Variants in ANO7 observed in about 807,000 individuals in gnomAD.
ANO7 encodes the protein anoctamin-7.
In ANO7, 114 loss-of-function variants were observed where a neutral mutation model predicts 115.8. The observed-to-expected ratio is 0.98, with a 90% CI of 0.85 to 1.15. The LOEUF (loss-of-function observed/expected upper bound fraction) is 1.15. Ranked by LOEUF, ANO7 falls within the 50% of genes most tolerant of loss-of-function variation. ANO7 has a pLI of 0.00. For synonymous variants in ANO7, 550 were observed against 498.2 expected (o/e 1.10, Z -1.38); for missense variants, 1,302 against 1,201.2 (o/e 1.08, Z -1.24).
Position 241,191,246 on chromosome 2 carries a change from G to A in ANO7, c.161G>A (p.Arg54Gln), listed in dbSNP as rs141913177. Residue 54 changes from arginine (R) to glutamine (Q), a missense_variant, in exon 3 of 25, where the codon CGG becomes CAG. Arg to Gln is a conservative substitution (Grantham distance 43). Coordinates refer to ENST00000674324, the MANE Select transcript of ANO7 (RefSeq NM_001370694.2). The stretch of plus-strand genomic sequence containing the variant: ...AGAGCTGGGAGTCCTGCCAAGCCCC[G>A]GATCGGTGAGCCCCTCCCAGCACCT... The part of the protein sequence containing the change: ...ACRAGSPAKP[R>Q]IADFVLVWEE... 58 of 1,613,668 alleles carry A rather than the reference G, an allele frequency of 3.6e-5. No homozygotes were observed. The highest frequency in any genetic ancestry group is 1.7e-4 in the African/African-American group (13 of 74,936).
At chr2:241,201,626 A>G (rs1200430629) in intron 7 of ANO7, among the ~76,000 whole-genome samples, 1 of 152,262 alleles carries the variant, frequency 6.6e-6, no homozygotes, top group Non-Finnish European at 1.5e-5. Context: ...CATGTGGGAC[A>G]GCCGAGACTA....
intron 3 of ANO7, among the ~76,000 whole-genome samples, chr2:241,194,393 C>A (rs1239311141): frequency 1.3e-5 from 2 of 150,586 alleles, no homozygotes; most frequent in African/African-American, 2.4e-5. Context: ...CAGCTCACTG[C>A]AAGCTCCGTC....
the ANO7 span, chr2:241,236,311 A>T: frequency 5.1e-6 from 2 of 393,668 alleles, no homozygotes; most frequent in Non-Finnish European, 4.6e-6. Flanking sequence ...GGTCACATTC[A>T]TCCCCCTGCA....
At chr2:241,202,535 A>C (rs1015240124) in intron 8 of ANO7, among the ~76,000 whole-genome samples, 2 of 152,244 alleles carry the variant, frequency 1.3e-5, no homozygotes, top group African/African-American at 4.8e-5. Context: ...GCGGTGCCCA[A>C]CACGGGAACA....
At chr2:241,226,734 G>A (rs572551881), downstream of ANO7, among the ~76,000 whole-genome samples, 12 of 152,272 alleles carry the variant, frequency 7.9e-5, no homozygotes, top group Admixed American at 4.6e-4. Context: ...AACATGTTTG[G>A]CTTTAAGAGG....
rs545919824 is a variant in ANO7 at position 241,201,826 on chromosome 2, C to T, written c.613-368C>T. On this transcript the variant is annotated intron_variant, in intron 7 of 24. Transcript: ENST00000674324. ...GGCTGCCCAGGTAGGGGGCAGGGCA[C>T]ACCCTGGACACAGCTGCCAGGCTGC... is the stretch of plus-strand genomic sequence containing the variant. Among the ~76,000 whole-genome samples the T allele has an allele frequency of 1.5e-3, 123 of 79,908 alleles. 1 individual carries two copies. The highest frequency in any genetic ancestry group is 6.0e-3 in the African/African-American group (116 of 19,488). The allele number at this position is 79,908 out of a possible 152,430, so 52.4% of individuals were successfully genotyped here.
rs145166809 is a variant in ANO7 at position 241,199,364 on chromosome 2, G to A, written c.358G>A (p.Ala120Thr). Residue 120 changes from alanine to threonine, a missense_variant, in exon 5 of 25, where the codon GCC becomes ACC. Coordinates refer to ENST00000674324, the MANE Select transcript of ANO7 (RefSeq NM_001370694.2). ...NTTVHYALLS[A>T]SWAVLCYYAE... ...CACAGTGCACTACGCCCTCCTCAGC[G>A]CCTCCTGGGCTGTGCTCTGCTACTA... 556 of 1,613,828 alleles carry A rather than the reference G, an allele frequency of 3.4e-4. 6 individuals are homozygous for A. The Middle Eastern group carries it at 6.6e-3, about 19-fold the overall frequency.
chr2:241,212,494 T>C (rs1203516615), intron 16 of ANO7, 78 bp from the exon 17 acceptor site: 118 of 1,465,066 alleles, frequency 8.1e-5, no homozygotes, highest in Non-Finnish European at 1.1e-4. Context: ...GCAGCTCTGC[T>C]GAGGCCTCCA....
Position 241,190,116 on chromosome 2 carries a change from G to C in ANO7, c.53G>C (p.Ser18Thr). ...EEDSTVLIDVSPPEAEKRGSY... is the reference protein window; with the variant it reads ...EEDSTVLIDVTPPEAEKRGSY... Reference sequence around the variant, plus strand: ...GACAGCACCGTCCTGATCGATGTGAGCCCCCCTGAGGCAGAGAAGAGGGGC... The same window carrying C: ...GACAGCACCGTCCTGATCGATGTGACCCCCCCTGAGGCAGAGAAGAGGGGC... The change falls in exon 2 of 25, where the codon AGC (serine) becomes ACC (threonine). Residue 18 changes from serine (S) to threonine (T), a missense_variant. Coordinates refer to ENST00000674324, the MANE Select transcript of ANO7 (RefSeq NM_001370694.2). 6.3e-7 allele frequency: 1 copy of C among 1,581,616 alleles called. No individual in the cohort carries two copies. Among genetic ancestry groups the C allele is most frequent in the Non-Finnish European group, 8.6e-7 (1 of 1,164,096 alleles).
chr2:241,196,070 C>A (rs1341144038), intron 4 of ANO7: 3 of 1,419,136 alleles, frequency 2.1e-6, no homozygotes, highest in Non-Finnish European at 2.8e-6. Flanking sequence ...TCAGCTCTCT[C>A]ATGGAAGTCG....
Position 241,217,174 on chromosome 2 carries a change from G to T in ANO7, c.1973-512G>T, listed in dbSNP as rs986534655. On this transcript the variant is annotated intron_variant, in intron 19 of 24. Coordinates refer to ENST00000674324, the MANE Select transcript of ANO7 (RefSeq NM_001370694.2). ...AGCAAGCGGGCATGTGAGCCGGCAG[G>T]CCCCGGAGCTCCCCAGCGTAGCCGC... Among the ~76,000 whole-genome samples the T allele has an allele frequency of 2.0e-5, 3 of 152,346 alleles. No individual in the cohort carries two copies. The South Asian group carries it at 6.2e-4, about 32-fold the overall frequency.
At position 241,223,672 on chromosome 2, in the gene ANO7, T is replaced by C. The variant is rs1161591278; in HGVS notation, c.2423T>C (p.Phe808Ser). The change falls in exon 23 of 25, where the codon TTC becomes TCC. Residue 808 changes from phenylalanine (F) to serine (S), a missense_variant. By Grantham distance (155) the Phe-to-Ser change is radical. Coordinates refer to ENST00000674324, the MANE Select transcript of ANO7 (RefSeq NM_001370694.2). Reference protein sequence around the residue: ...AFVIVFEHVVFSVGRLLDLLV... With the variant: ...AFVIVFEHVVSSVGRLLDLLV... ...TTCCTCTGCTCCCAGCATGTGGTTT[T>C]CTCCGTTGGCCGCCTCCTGGACCTC... 5 of 1,612,906 alleles carry C rather than the reference T, an allele frequency of 3.1e-6. No homozygotes were observed. Among genetic ancestry groups the C allele is most frequent in the African/African-American group, 2.7e-5 (2 of 74,906 alleles).
chr2:241,223,339 T>C (rs771064868), intron 22 of ANO7, 63 bp downstream of exon 22: 2 of 1,569,154 alleles, frequency 1.3e-6, no homozygotes, highest in East Asian at 2.2e-5. Context: ...GTGCTTTGCC[T>C]AATTCGAGCA....
At position 241,225,540 on chromosome 2, in the gene ANO7, C is replaced by A. The variant is rs2069140173; in HGVS notation, c.*1387C>A. 1.3e-5 allele frequency among the ~76,000 whole-genome samples: 2 copies of A among 152,158 alleles called. No individual in the cohort carries two copies. The highest frequency in any genetic ancestry group is 4.1e-4 in the South Asian group (2 of 4,830). ...ACTCCGTCTCGGGAACACACACACACAAAAAGAATATGTGGTTTTAATGTG... is the reference window on the plus strand; with the variant it reads ...ACTCCGTCTCGGGAACACACACACAAAAAAAGAATATGTGGTTTTAATGTG... On this transcript the variant is annotated 3_prime_UTR_variant, in exon 25 of 25. Transcript: ENST00000674324.
At chr2:241,221,612 C>G (rs1414777583) in intron 21 of ANO7, among the ~76,000 whole-genome samples, 1 of 151,696 alleles carries the variant, frequency 6.6e-6, no homozygotes, top group Non-Finnish European at 1.5e-5. Flanking sequence ...CTCCGAACCT[C>G]AGGTATCTGC....
chr2:241,189,708 C>T lies in ANO7; in HGVS notation c.-7-349C>T, dbSNP rs1042508626. Among the ~76,000 whole-genome samples, 6 of 152,308 alleles carry T rather than the reference C, an allele frequency of 3.9e-5. No homozygotes were observed. In the East Asian group the frequency reaches 1.2e-3, roughly 29 times the overall value. On this transcript the variant is annotated intron_variant, in intron 1 of 24. Transcript: ENST00000674324. ...AAGAGAGGGAGAGGTGTCTGTACTC[C>T]AGGCCCACCTTTCTGGGCCTTCTCA...
At chr2:241,209,736 C>A in intron 13 of ANO7, 101 bp downstream of exon 13, 2 of 1,431,326 alleles carry the variant, frequency 1.4e-6, no homozygotes, top group Non-Finnish European at 1.8e-6. Context: ...CAGATGCCTC[C>A]TCTGGGCACA....
the ANO7 span, among the ~76,000 whole-genome samples, chr2:241,234,198 G>A: frequency 6.6e-6 from 1 of 152,202 alleles, no homozygotes; most frequent in Admixed American, 6.5e-5. Flanking sequence ...CTTCAAAAGA[G>A]GGCTTGGGAC....
downstream of ANO7, chr2:241,230,233 G>C: frequency 6.2e-7 from 1 of 1,610,900 alleles, no homozygotes; most frequent in Non-Finnish European, 8.5e-7. This position sits in a 1 kb window ranked among gnomAD's most constrained non-coding sequence, Gnocchi z 5.0. Flanking sequence ...ACGCAGTTGG[G>C]GTCTGGGGCT....
Sources: gnomAD v4.1 joint callset for allele counts (sites outside exome capture counted in the v4.1 genomes callset) on GRCh38, gnomAD v4.1.1 for gene constraint, Gnocchi (gnomAD v3.1) non-coding constraint, MANE v1.5 for transcripts, NCBI Gene and HGNC (gene_info 2026-07-23, HGNC 2026-07-21) for gene names.